Variants in SAMMSON observed in about 807,000 individuals in gnomAD.
SAMMSON encodes survival associated mitochondrial melanoma specific oncogenic non-coding RNA.
At chr3:70,387,287 A>G (rs1177451951) in intron 9 of SAMMSON, among the ~76,000 whole-genome samples, 1 of 152,084 alleles carries the variant, frequency 6.6e-6, no homozygotes, top group African/African-American at 2.4e-5. Context: ...GAAATAATCT[A>G]TTGGATGGAA....
At chr3:70,293,045 CA>C (rs55990203) in intron 7 of SAMMSON, among the ~76,000 whole-genome samples, 150 of 74,768 alleles carry the variant, frequency 2.0e-3, no homozygotes, top group South Asian at 5.4e-3. Context: ...TGGTTTGAAG[CA>C]AAAAAAAAAA....
intron 4 of SAMMSON, among the ~76,000 whole-genome samples, chr3:70,116,669 C>T (rs1020627790): frequency 3.3e-5 from 5 of 151,902 alleles, no homozygotes; most frequent in African/African-American, 1.2e-4. Context: ...CTATAACTAC[C>T]GTGTTTTGTT....
chr3:70,286,547 T>G (rs958826903), intron 6 of SAMMSON, among the ~76,000 whole-genome samples: 1 of 151,932 alleles, frequency 6.6e-6, no homozygotes, highest in Admixed American at 6.6e-5. Flanking sequence ...TGCGGGCTCT[T>G]TTTTGGTTCT....
chr3:70,276,589 G>A (rs1440467030), intron 6 of SAMMSON, among the ~76,000 whole-genome samples: 1 of 152,078 alleles, frequency 6.6e-6, no homozygotes, highest in Non-Finnish European at 1.5e-5. Flanking sequence ...ACCTACCTGA[G>A]GATACCATGG....
At chr3:70,361,987 C>T (rs1367024488) in intron 9 of SAMMSON, among the ~76,000 whole-genome samples, 2 of 152,028 alleles carry the variant, frequency 1.3e-5, no homozygotes, top group Non-Finnish European at 2.9e-5. Flanking sequence ...TTTTAATGTA[C>T]CTATTATGCT....
At chr3:70,196,670 T>C (rs1462861506) in intron 4 of SAMMSON, among the ~76,000 whole-genome samples, 1 of 152,170 alleles carries the variant, frequency 6.6e-6, no homozygotes, top group Non-Finnish European at 1.5e-5. Flanking sequence ...CTACAGCATT[T>C]AAGAGGTATT....
At position 70,319,073 on chromosome 3, in the gene SAMMSON, C is replaced by G. The variant is rs1426811933; in HGVS notation, n.739+27830C>G. Among the ~76,000 whole-genome samples the G allele has an allele frequency of 2.0e-5, 3 of 152,064 alleles. No individual in the cohort carries two copies. In the East Asian group the frequency reaches 5.8e-4, roughly 29 times the overall value. On this transcript the variant is annotated intron_variant and non_coding_transcript_variant, in intron 7 of 9. Coordinates refer to ENST00000642114, the Ensembl canonical transcript of SAMMSON. ...TACTTTTTGCCAGATTTATTCAAGT[C>G]TCATCCTTTGTATGCACAGCTGAGC...
At chr3:70,319,981 T>G (rs939705612) in intron 7 of SAMMSON, among the ~76,000 whole-genome samples, 9 of 152,052 alleles carry the variant, frequency 5.9e-5, no homozygotes, top group Non-Finnish European at 1.3e-4. Flanking sequence ...TCAAGACTTA[T>G]AGAAAATTTC....
At chr3:70,278,690 G>A (rs1431657304) in intron 6 of SAMMSON, among the ~76,000 whole-genome samples, 1 of 152,076 alleles carries the variant, frequency 6.6e-6, no homozygotes, top group Non-Finnish European at 1.5e-5. Context: ...ATATGCTAGG[G>A]CATATCCAAC....
intron 4 of SAMMSON, among the ~76,000 whole-genome samples, chr3:70,143,280 C>T (rs1398514109): frequency 6.9e-6 from 1 of 144,734 alleles, no homozygotes; most frequent in Non-Finnish European, 1.5e-5. Flanking sequence ...CTAGGAGAAT[C>T]AAAGGCTTGA....
At position 70,194,838 on chromosome 3, in the gene SAMMSON, G is replaced by C. The variant is rs1448437437; in HGVS notation, n.508-54269G>C. ...CCAGGTACCATATTATAGGAATAGG[G>C]TTCCAGAGACCCCCAGGTGTTCCTC... On this transcript the variant is annotated intron_variant and non_coding_transcript_variant, in intron 4 of 9. Transcript: ENST00000642114. 2.0e-5 allele frequency among the ~76,000 whole-genome samples: 3 copies of C among 152,140 alleles called. No homozygotes were observed. The South Asian group carries it at 6.2e-4, about 32-fold the overall frequency.
chr3:70,102,946 C>T (rs1215104471), intron 4 of SAMMSON, among the ~76,000 whole-genome samples: 2 of 152,200 alleles, frequency 1.3e-5, no homozygotes, highest in Non-Finnish European at 2.9e-5. Context: ...AGACCAGCCC[C>T]TTTGATAGCC....
chr3:70,295,491 C>A (rs1702281233), intron 7 of SAMMSON, among the ~76,000 whole-genome samples: 1 of 151,886 alleles, frequency 6.6e-6, no homozygotes, highest in Non-Finnish European at 1.5e-5. Context: ...TCACTTGAGG[C>A]CAGGAGTTCG....
intron 3 of SAMMSON, among the ~76,000 whole-genome samples, chr3:70,029,869 T>C (rs1430736700): frequency 6.6e-6 from 1 of 152,216 alleles, no homozygotes; most frequent in Non-Finnish European, 1.5e-5. Context: ...TCCTTGCTTT[T>C]TACTATTTGA....
intron 4 of SAMMSON, among the ~76,000 whole-genome samples, chr3:70,195,084 T>A (rs1431874990): frequency 1.3e-5 from 2 of 152,138 alleles, no homozygotes; most frequent in Admixed American, 1.3e-4. Context: ...CAAGTTAGAG[T>A]TCCTGACACT....
chr3:70,391,832 CA>C (rs1701051445), downstream of SAMMSON, among the ~76,000 whole-genome samples: 2 of 152,104 alleles, frequency 1.3e-5, no homozygotes, highest in Admixed American at 1.3e-4. Context: ...CGCATCATGG[CA>C]ATATCTATAG....
At chr3:70,076,459 C>A (rs2067248941) in intron 4 of SAMMSON, among the ~76,000 whole-genome samples, 1 of 152,154 alleles carries the variant, frequency 6.6e-6, no homozygotes, top group South Asian at 2.1e-4. Context: ...GGCAATTCTT[C>A]CAGCTAACTG....
intron 3 of SAMMSON, chr3:70,014,899 G>A (rs1403570966): frequency 2.0e-5 from 3 of 152,094 alleles, no homozygotes; most frequent in African/African-American, 7.2e-5. Context: ...ATGATCGTGG[G>A]ATTTTAAAAT....
intron 4 of SAMMSON, among the ~76,000 whole-genome samples, chr3:70,162,534 A>G (rs900709654): frequency 7.2e-5 from 11 of 151,742 alleles, no homozygotes; most frequent in Non-Finnish European, 1.5e-4. Flanking sequence ...TAAATGTGTT[A>G]TGATTTGTAG....
Sources: allele counts gnomAD v4.1 joint callset (sites outside exome capture counted in the v4.1 genomes callset), GRCh38; gene constraint gnomAD v4.1.1; transcripts MANE v1.5; gene names NCBI Gene and HGNC (gene_info 2026-07-23, HGNC 2026-07-21).